IKZF3: variants seen among roughly 807,000 people sequenced by gnomAD.
IKZF3 encodes the protein zinc finger protein Aiolos.
Under a neutral mutation model 49.0 loss-of-function variants are expected in IKZF3, and 10 were observed. The ratio of observed to expected loss-of-function variants is 0.20; its 90% CI spans 0.13 to 0.35. The LOEUF (loss-of-function observed/expected upper bound fraction) is 0.35. Ranked by LOEUF, IKZF3 falls within the 10% of genes least tolerant of loss-of-function variation. The probability of loss-of-function intolerance (pLI) is 1.00; values close to 1 mark genes in which losing one functional copy is unlikely to be tolerated. For missense variants in IKZF3, 498 were observed against 664.8 expected (o/e 0.75, Z 2.76); for synonymous variants, 209 against 228.2 (o/e 0.92, Z 0.76).
Position 39,791,423 on chromosome 17 carries a change from T to C in IKZF3, c.585A>G (p.Thr195=), listed in dbSNP as rs1263559323. 6.2e-7 allele frequency: 1 copy of C among 1,613,774 alleles called. No individual in the cohort carries two copies. The part of the protein sequence containing the change: ...RRDALTGHLR[T]HSVEKPYKCE... ...CTCATTTCTCTCACTTACCAGAATG[T>C]GTCCTAAGATGCCCCGTGAGCGCAT... Residue 195 remains threonine (T), a synonymous_variant, in exon 5 of 8, where the codon ACA becomes ACG. Coordinates refer to ENST00000346872, the MANE Select transcript of IKZF3 (RefSeq NM_012481.5).
In IKZF3 at chr17:39,796,855, C is replaced by T. The variant is rs181289095; in HGVS notation, c.164-3922G>A. On this transcript the variant is annotated intron_variant, in intron 3 of 7. Transcript: ENST00000346872. ...GCCACTGCGCTCGGCCTCAACATTC[C>T]TTTCTAGACAGATTTAAGACACAGG... is the stretch of plus-strand genomic sequence containing the variant. Among the ~76,000 whole-genome samples the T allele has an allele frequency of 3.2e-3, 485 of 149,940 alleles. 4 individuals carry two copies. Among genetic ancestry groups the T allele is most frequent in the African/African-American group, 0.011 (461 of 41,000 alleles).
intron 1 of IKZF3, among the ~76,000 whole-genome samples, chr17:39,846,329 T>A (rs1054527664): frequency 6.6e-6 from 1 of 152,184 alleles, no homozygotes; most frequent in African/African-American, 2.4e-5. Context: ...ATTCTAGCAA[T>A]CTCAAATTGT....
At chr17:39,799,334 T>C (rs2061258584) in intron 3 of IKZF3, among the ~76,000 whole-genome samples, 1 of 152,212 alleles carries the variant, frequency 6.6e-6, no homozygotes, top group Non-Finnish European at 1.5e-5. Context: ...CTGCATCCTA[T>C]TGCCAGAATA....
At chr17:39,781,863 G>C (rs184065248) in intron 6 of IKZF3, among the ~76,000 whole-genome samples, 70 of 152,276 alleles carry the variant, frequency 4.6e-4, no homozygotes, top group African/African-American at 1.7e-3. Context: ...GTGACCAAAT[G>C]CCTGACATTT....
At chr17:39,798,383 C>A (rs2061226897) in intron 3 of IKZF3, among the ~76,000 whole-genome samples, 1 of 152,176 alleles carries the variant, frequency 6.6e-6, no homozygotes, top group Non-Finnish European at 1.5e-5. Context: ...CCCAACCTAT[C>A]TTTGGCATAT....
chr17:39,766,134 G>T lies in IKZF3; in HGVS notation c.1186C>A (p.Arg396Ser). The change falls in exon 8 of 8, where the codon CGC becomes AGC. Residue 396 changes from arginine (R) to serine (S), a missense_variant. Arg to Ser is a moderately radical substitution (Grantham distance 110). Transcript: ENST00000346872. Reference sequence around the variant, plus strand: ...TTTTGCTGATAGATGTGATTCTGGCGTTCTTCATGGTTGCTGTCAGTGTCC... The same window carrying T: ...TTTTGCTGATAGATGTGATTCTGGCTTTCTTCATGGTTGCTGTCAGTGTCC... ...STDTDSNHEERQNHIYQQNHM... is the reference protein window; with the variant it reads ...STDTDSNHEESQNHIYQQNHM... 6.2e-7 allele frequency: 1 copy of T among 1,614,162 alleles called. No homozygotes were observed. The highest frequency in any genetic ancestry group is 8.5e-7 in the Non-Finnish European group (1 of 1,180,020).
intron 1 of IKZF3, among the ~76,000 whole-genome samples, chr17:39,837,679 C>T (rs2062336869): frequency 6.6e-6 from 1 of 151,522 alleles, no homozygotes; most frequent in South Asian, 2.1e-4. Flanking sequence ...CACTGTGTTG[C>T]CCAGGCTGAA....
At chr17:39,856,609 C>T (rs2063068006) in intron 1 of IKZF3, among the ~76,000 whole-genome samples, 1 of 152,074 alleles carries the variant, frequency 6.6e-6, no homozygotes, top group South Asian at 2.1e-4. Context: ...AGTTCGAGAT[C>T]AGCCTGGCCA....
chr17:39,832,950 A>G (rs1336247647), intron 1 of IKZF3, among the ~76,000 whole-genome samples: 3 of 152,164 alleles, frequency 2.0e-5, no homozygotes, highest in Admixed American at 6.5e-5. Context: ...TGATTATTAT[A>G]TATTCTATGC....
intron 3 of IKZF3, among the ~76,000 whole-genome samples, chr17:39,806,943 G>A (rs755638232): frequency 6.6e-6 from 1 of 152,210 alleles, no homozygotes; most frequent in Non-Finnish European, 1.5e-5. Flanking sequence ...CCAACCTCCA[G>A]TGAAGAAACG....
chr17:39,835,754 T>C, intron 1 of IKZF3: 17 of 513,682 alleles, frequency 3.3e-5, no homozygotes, highest in South Asian at 2.3e-4. Flanking sequence ...TCTTGTAAGC[T>C]TGCCATCCAG....
chr17:39,817,611 A>AT (rs2061706481), intron 3 of IKZF3, among the ~76,000 whole-genome samples: 1 of 152,104 alleles, frequency 6.6e-6, no homozygotes, highest in Admixed American at 6.5e-5. Flanking sequence ...GCCTAACTCT[A>AT]GTCTTAAATG....
chr17:39,818,905 A>G (rs2061738340), intron 3 of IKZF3, among the ~76,000 whole-genome samples: 1 of 152,146 alleles, frequency 6.6e-6, no homozygotes. Flanking sequence ...ATGAAGCTTA[A>G]AGTAAATAAC....
At position 39,798,713 on chromosome 17, in the gene IKZF3, G is replaced by A. The variant is rs184829403; in HGVS notation, c.164-5780C>T. On this transcript the variant is annotated intron_variant, in intron 3 of 7. Coordinates refer to ENST00000346872, the MANE Select transcript of IKZF3 (RefSeq NM_012481.5). ...GTAGAGACAGGGTTTCACTGTGTTAGCCAGGATGGTCTCAATCTCCTGACC... is the reference window on the plus strand; with the variant it reads ...GTAGAGACAGGGTTTCACTGTGTTAACCAGGATGGTCTCAATCTCCTGACC... 3.3e-3 allele frequency among the ~76,000 whole-genome samples: 504 copies of A among 152,160 alleles called. 2 individuals carry two copies. Among genetic ancestry groups the A allele is most frequent in the South Asian group, 0.02 (96 of 4,812 alleles).
chr17:39,839,363 A>G, intron 1 of IKZF3: 1 of 579,426 alleles, frequency 1.7e-6, no homozygotes, highest in South Asian at 1.6e-5. Flanking sequence ...TCTCATGTGC[A>G]ATTCCTTACA....
intron 6 of IKZF3, among the ~76,000 whole-genome samples, chr17:39,783,207 G>A (rs2060788390): frequency 6.6e-6 from 1 of 152,212 alleles, no homozygotes; most frequent in Non-Finnish European, 1.5e-5. Flanking sequence ...GTGTTATTAT[G>A]CAATAGAAAT....
intron 3 of IKZF3, among the ~76,000 whole-genome samples, chr17:39,804,474 A>T (rs1447376807): frequency 6.6e-6 from 1 of 152,116 alleles, no homozygotes; most frequent in Non-Finnish European, 1.5e-5. Context: ...AATTGAATGA[A>T]TGAATGAATG....
intron 6 of IKZF3, among the ~76,000 whole-genome samples, chr17:39,779,815 C>T (rs2060690156): frequency 6.6e-6 from 1 of 152,106 alleles, no homozygotes; most frequent in African/African-American, 2.4e-5. Flanking sequence ...CTCATAAACA[C>T]TTCGGGAGAT....
chr17:39,792,525 G>C (rs1398121891), intron 4 of IKZF3, 148 bp downstream of exon 4: 1 of 774,232 alleles, frequency 1.3e-6, no homozygotes, highest in African/African-American at 1.8e-5. Context: ...AAAAAGCACT[G>C]AGTGAACAGC....
Sources: allele counts gnomAD v4.1 joint callset (sites outside exome capture counted in the v4.1 genomes callset), GRCh38; gene constraint gnomAD v4.1.1; transcripts MANE v1.5; gene names NCBI Gene and HGNC (gene_info 2026-07-23, HGNC 2026-07-21).